FAM135B: variants seen among roughly 807,000 people sequenced by gnomAD.
FAM135B encodes protein FAM135B.
Under a neutral mutation model 127.7 loss-of-function variants are expected in FAM135B, and 43 were observed. That is an observed-to-expected ratio of 0.34 (90% CI 0.26 to 0.43). The LOEUF is 0.43. Ranked by LOEUF, FAM135B falls within the 20% of genes least tolerant of loss-of-function variation. The pLI, the probability that FAM135B is intolerant of heterozygous loss-of-function variation, is 1.00. For missense variants in FAM135B, 1,558 were observed against 1,725.6 expected, an observed-to-expected ratio of 0.90 and a Z score of 1.72; for synonymous variants, 670 against 665.1, an observed-to-expected ratio of 1.01 and a Z score of -0.11.
At chr8:138,189,677 C>A (rs1464746167) in intron 9 of FAM135B, among the ~76,000 whole-genome samples, 2 of 152,170 alleles carry the variant, frequency 1.3e-5, no homozygotes, top group African/African-American at 4.8e-5. Context: ...CTGCTCACCT[C>A]CTGTGAGGGG....
At chr8:138,279,930 C>G (rs1485064842) in intron 3 of FAM135B, among the ~76,000 whole-genome samples, 1 of 152,226 alleles carries the variant, frequency 6.6e-6, no homozygotes, top group Non-Finnish European at 1.5e-5. Context: ...GTCTGGGGAA[C>G]TTGCTTATCC....
intron 1 of FAM135B, among the ~76,000 whole-genome samples, chr8:138,415,431 A>T (rs1519397): frequency 0.087 from 13,250 of 152,140 alleles, 986 homozygotes; most frequent in East Asian, 0.26. Context: ...GTGGTGACAA[A>T]GACAAATGAT....
intron 1 of FAM135B, among the ~76,000 whole-genome samples, chr8:138,458,873 T>C (rs1188815624): frequency 1.3e-5 from 2 of 152,202 alleles, no homozygotes; most frequent in African/African-American, 4.8e-5. Flanking sequence ...ATGATAATTT[T>C]CCAGCAGCAC....
intron 2 of FAM135B, among the ~76,000 whole-genome samples, chr8:138,364,791 G>A (rs1195014338): frequency 6.6e-6 from 1 of 151,960 alleles, no homozygotes; most frequent in Admixed American, 6.6e-5. Context: ...AGAGAGAGAA[G>A]GATATAATAA....
chr8:138,263,140 T>A (rs1822666600), intron 4 of FAM135B, among the ~76,000 whole-genome samples: 1 of 151,800 alleles, frequency 6.6e-6, no homozygotes, highest in Non-Finnish European at 1.5e-5. Flanking sequence ...AAATTAAAAT[T>A]AAAAAAAAAC....
At chr8:138,426,548 A>T (rs1834902074) in intron 1 of FAM135B, among the ~76,000 whole-genome samples, 1 of 151,108 alleles carries the variant, frequency 6.6e-6, no homozygotes, top group Admixed American at 6.6e-5. Flanking sequence ...ATGTGTATAT[A>T]TATACATTAA....
At position 138,265,918 on chromosome 8, in the gene FAM135B, C is replaced by A. The variant is rs777219067; in HGVS notation, c.158-76G>T. 1.2e-5 allele frequency: 18 copies of A among 1,496,938 alleles called. No individual in the cohort carries two copies. The Admixed American group carries it at 2.3e-4, about 19-fold the overall frequency. The allele number at this position is 1,496,938 out of a possible 1,614,324, so 92.7% of individuals were successfully genotyped here. ...CCTGCAGCCCTGTCAGGTGTCTTTC[C>A]TGCTCAAGTAGGCTAATGGCCCCAA... On this transcript the variant is annotated intron_variant, in intron 3 of 19. Coordinates refer to ENST00000395297, the MANE Select transcript of FAM135B (RefSeq NM_015912.4).
Position 138,148,656 on chromosome 8 carries a change from T to G in FAM135B, c.3312A>C (p.Lys1104Asn). The change falls in exon 14 of 20, where the codon AAA becomes AAC. Residue 1104 changes from lysine to asparagine, a missense_variant. By Grantham distance (94) the Lys-to-Asn change is moderately conservative. Transcript: ENST00000395297. ...SFYQAKEKFK[K>N]ELKIEGFLYS... ...ACAGAAATCCTTCAATCTTCAGTTCTTTTTTAAATTTTTCTTTGGCCTGAT... is the reference window on the plus strand; with the variant it reads ...ACAGAAATCCTTCAATCTTCAGTTCGTTTTTAAATTTTTCTTTGGCCTGAT... 1.2e-6 allele frequency: 2 copies of G among 1,606,930 alleles called. No individual in the cohort carries two copies. Among genetic ancestry groups the G allele is most frequent in the Non-Finnish European group, 1.7e-6 (2 of 1,176,488 alleles).
chr8:138,304,965 C>T lies in FAM135B; in HGVS notation c.157+5876G>A, dbSNP rs556716611. Among the ~76,000 whole-genome samples, 11 of 152,304 alleles carry T rather than the reference C, an allele frequency of 7.2e-5. No individual in the cohort carries two copies. The South Asian group carries it at 2.1e-3, about 29-fold the overall frequency. On this transcript the variant is annotated intron_variant, in intron 3 of 19. Transcript: ENST00000395297. ...CCACCCACCCTGCCGGCCACCCTGC[C>T]GGCCCTGGGTAGGCTCTTCTGTGGC...
chr8:138,215,130 T>G (rs1322022921), intron 7 of FAM135B, among the ~76,000 whole-genome samples: 1 of 152,170 alleles, frequency 6.6e-6, no homozygotes, highest in Non-Finnish European at 1.5e-5. Context: ...TATCTAGACA[T>G]GATTAAATAT....
chr8:138,450,988 T>C (rs1436303085), intron 1 of FAM135B, among the ~76,000 whole-genome samples: 1 of 152,210 alleles, frequency 6.6e-6, no homozygotes, highest in Non-Finnish European at 1.5e-5. Flanking sequence ...AATTTGACAA[T>C]TATCACAAAA....
chr8:138,455,140 G>C (rs1836705281), intron 1 of FAM135B, among the ~76,000 whole-genome samples: 2 of 152,178 alleles, frequency 1.3e-5, no homozygotes, highest in South Asian at 4.1e-4. Context: ...GTAAAAGTAA[G>C]ATTGCTTCAA....
At chr8:138,440,261 C>G (rs186393783) in intron 1 of FAM135B, 3 of 152,250 alleles carry the variant, frequency 2.0e-5, no homozygotes, top group African/African-American at 7.2e-5. Flanking sequence ...ATAAATGTCT[C>G]AGGAACCCTT....
At chr8:138,216,116 T>C (rs1200755822) in intron 7 of FAM135B, among the ~76,000 whole-genome samples, 1 of 152,160 alleles carries the variant, frequency 6.6e-6, no homozygotes, top group Non-Finnish European at 1.5e-5. Context: ...GAAGACTTGG[T>C]TCCAATAGGG....
intron 2 of FAM135B, among the ~76,000 whole-genome samples, chr8:138,338,318 A>G (rs900588092): frequency 1.3e-5 from 2 of 151,838 alleles, no homozygotes; most frequent in Non-Finnish European, 2.9e-5. Flanking sequence ...CAGAGTGAAC[A>G]GGCAACCTAC....
rs2130735107 is a variant in FAM135B, at chr8:138,151,589, A to T, written c.2886T>A (p.Ile962=). ...GQQSQSGSPC[I]MDDTAFNRGV... ...CTCTATTAAATGCTGTGTCATCCAT[A>T]ATGCAAGGTGAACCGCTTTGGCTTT... The change falls in exon 13 of 20, where the codon ATT becomes ATA. Residue 962 remains isoleucine (I), a synonymous_variant. Coordinates refer to ENST00000395297, the MANE Select transcript of FAM135B (RefSeq NM_015912.4). 1 of 1,614,138 alleles carries T rather than the reference A, an allele frequency of 6.2e-7. No homozygotes were observed. Among genetic ancestry groups the T allele is most frequent in the Non-Finnish European group, 8.5e-7 (1 of 1,179,992 alleles).
intron 10 of FAM135B, among the ~76,000 whole-genome samples, chr8:138,178,291 T>A (rs1036707313): frequency 6.6e-6 from 1 of 152,020 alleles, no homozygotes; most frequent in Non-Finnish European, 1.5e-5. Context: ...CAAAATACTT[T>A]TAATATTTCT....
chr8:138,214,726 C>T (rs1428253941), intron 7 of FAM135B, among the ~76,000 whole-genome samples: 3 of 151,900 alleles, frequency 2.0e-5, no homozygotes, highest in Non-Finnish European at 2.9e-5. Flanking sequence ...AAAATTGATA[C>T]GATTCTAGCA....
chr8:138,352,034 A>T (rs1829816767), intron 2 of FAM135B, among the ~76,000 whole-genome samples: 1 of 152,094 alleles, frequency 6.6e-6, no homozygotes, highest in Admixed American at 6.6e-5. Flanking sequence ...CTGATCCTGT[A>T]TGGAACCTTG....
Sources: gnomAD v4.1 joint callset for allele counts (sites outside exome capture counted in the v4.1 genomes callset) on GRCh38, gnomAD v4.1.1 for gene constraint, MANE v1.5 for transcripts, NCBI Gene and HGNC (gene_info 2026-07-23, HGNC 2026-07-21) for gene names.